The following RYR1 variants were observed in gnomAD, a reference collection of about 807,000 sequenced individuals.
RYR1 encodes the protein ryanodine receptor 1.
RYR1 carries 342 observed loss-of-function variants against 583.5 expected under a neutral mutation model. That is an observed-to-expected ratio of 0.59 (90% CI 0.54 to 0.64). RYR1 has a LOEUF of 0.64. Among genes scored for constraint, RYR1 ranks in the 30% least tolerant of loss-of-function variants. The pLI, the probability that RYR1 is intolerant of heterozygous loss-of-function variation, is 0.00. For synonymous variants in RYR1, 2,791 were observed against 2,822.5 expected, an observed-to-expected ratio of 0.99 and a Z score of 0.35; for missense variants, 6,032 against 6,917.2, an observed-to-expected ratio of 0.87 and a Z score of 4.54.
chr19:38,473,602 T>G lies in RYR1; in HGVS notation c.3991T>G (p.Tyr1331Asp). ...EARAAEPDPD[Y>D]ENLRRSAGGW... The stretch of plus-strand genomic sequence containing the variant: ...CCGGGCGGCGGAACCCGACCCTGAC[T>G]ACGAAAACCTGCGCCGCTCAGCTGG... Residue 1331 changes from tyrosine (Y) to aspartate (D), a missense_variant, in exon 28 of 106, where the codon TAC (tyrosine) becomes GAC (aspartate). Coordinates refer to ENST00000359596, the MANE Select transcript of RYR1 (RefSeq NM_000540.3). 6.3e-7 allele frequency: 1 copy of G among 1,576,856 alleles called. No homozygotes were observed. The highest frequency in any genetic ancestry group is 8.6e-7 in the Non-Finnish European group (1 of 1,161,660).
Position 38,475,233 on chromosome 19 carries a change from A to G in RYR1, c.4161-85A>G, listed in dbSNP as rs537687851. ...GGGGTATTAGAAGCAGGGTGTATCC[A>G]AGCTGGATGTGGGGGCATGAATATT... On this transcript the variant is annotated intron_variant, in intron 28 of 105. Transcript: ENST00000359596. The G allele has an allele frequency of 1.8e-5, 27 of 1,535,262 alleles. No individual in the cohort carries two copies. The African/African-American group carries it at 3.4e-4, about 20-fold the overall frequency.
intron 93 of RYR1, among the ~76,000 whole-genome samples, chr19:38,568,415 C>G (rs1036929296): frequency 7.9e-5 from 12 of 152,146 alleles, no homozygotes; most frequent in Non-Finnish European, 1.3e-4. Context: ...TCCATCCTGT[C>G]TCCCCTCCAG....
Position 38,575,899 on chromosome 19 carries a change from TTC to T in RYR1, c.14130-6_14130-5del, listed in dbSNP as rs750824483. ...GGCCCTAACATCTTATACTCACGCT[TTC>T]TCTCTCTCTCTCTGCAGGTCTTTCC... On this transcript the variant is annotated intron_variant, in intron 96 of 105. Coordinates refer to ENST00000359596, the MANE Select transcript of RYR1 (RefSeq NM_000540.3). 745 of 1,510,458 alleles carry T rather than the reference TTC, an allele frequency of 4.9e-4. No individual in the cohort carries two copies. The highest frequency in any genetic ancestry group is 6.0e-4 in the Non-Finnish European group (660 of 1,099,360). The allele number at this position is 1,510,458 out of a possible 1,614,324, so 93.6% of individuals were successfully genotyped here.
intron 69 of RYR1, 21 bp from the exon 70 acceptor site, chr19:38,523,890 CTCTG>C (rs762055585): frequency 7.4e-6 from 12 of 1,613,900 alleles, no homozygotes; most frequent in African/African-American, 6.7e-5. Context: ...CCCTTCTTGT[CTCTG>C]TCTGCGGTCC....
chr19:38,541,528 A>G (rs1486100910), intron 84 of RYR1, among the ~76,000 whole-genome samples: 1 of 152,144 alleles, frequency 6.6e-6, no homozygotes, highest in Non-Finnish European at 1.5e-5. Context: ...AGCCTGTCCA[A>G]TATGGTGAAA....
intron 98 of RYR1, 22 bp from the exon 99 acceptor site, chr19:38,578,122 C>T (rs775654757): frequency 1.2e-6 from 2 of 1,613,192 alleles, no homozygotes; most frequent in South Asian, 2.2e-5. Context: ...TCAAGCATCT[C>T]TCCCCACCCC....
At chr19:38,552,609 C>T (rs961274103) in intron 89 of RYR1, among the ~76,000 whole-genome samples, 6 of 152,146 alleles carry the variant, frequency 3.9e-5, no homozygotes, top group South Asian at 2.1e-4. Flanking sequence ...GGAGATTAAA[C>T]GGACATGCTT....
chr19:38,478,671 C>T, intron 31 of RYR1, 71 bp downstream of exon 31: 1 of 1,560,084 alleles, frequency 6.4e-7, no homozygotes, highest in Non-Finnish European at 8.7e-7. Context: ...TTATAGATGT[C>T]CCCTGAGGCC....
intron 19 of RYR1, 104 bp downstream of exon 19, chr19:38,459,442 G>A (rs752400808): frequency 2.2e-4 from 248 of 1,111,312 alleles, no homozygotes; most frequent in Non-Finnish European, 3.1e-4. Flanking sequence ...GGACACTGCA[G>A]CCTACCATCA....
intron 83 of RYR1, chr19:38,537,157 G>T: frequency 3.3e-6 from 1 of 301,876 alleles, no homozygotes; most frequent in South Asian, 4.6e-5. Flanking sequence ...CCCGACCTCA[G>T]ATTGGTCAGT....
rs1568476203 is a variant in RYR1 at position 38,478,474 on chromosome 19, CTT to C, written c.4496_4497del (p.Phe1499CysfsTer47). 6.2e-7 allele frequency: 1 copy of C among 1,614,092 alleles called. No homozygotes were observed. Among genetic ancestry groups the C allele is most frequent in the Non-Finnish European group, 8.5e-7 (1 of 1,180,042 alleles). ...ACTGCTACATGGTGTGGGGCGGAGA[CTT>C]TGTGAGTCCCGGGCAGCAGGGCCGG... is the stretch of plus-strand genomic sequence containing the variant. ...SNCYMVWGGDFVSPGQQGRIS... is the reference protein window; with the variant it reads ...SNCYMVWGGDXVSPGQQGRIS... On this transcript the variant is annotated frameshift_variant, in exon 31 of 106. Coordinates refer to ENST00000359596, the MANE Select transcript of RYR1 (RefSeq NM_000540.3). LOFTEE classifies it high-confidence loss of function.
intron 1 of RYR1, among the ~76,000 whole-genome samples, chr19:38,434,321 C>T (rs1209148611): frequency 6.6e-6 from 1 of 152,010 alleles, no homozygotes; most frequent in Non-Finnish European, 1.5e-5. Flanking sequence ...AGCTGGAGGA[C>T]ACAGCTGCTT....
chr19:38,548,310 C>T lies in RYR1; in HGVS notation c.12172C>T (p.Leu4058Phe). ...ATCCTCATCCAATGTGGAGATGATC[C>T]TCAAGTTCTTCGACATGTTCCTGAA... Reference protein sequence around the residue: ...VESSSNVEMILKFFDMFLKLK... With the variant: ...VESSSNVEMIFKFFDMFLKLK... The change falls in exon 89 of 106, where the codon CTC becomes TTC. Residue 4058 changes from leucine to phenylalanine, a missense_variant. Leu to Phe is a conservative substitution (Grantham distance 22). Coordinates refer to ENST00000359596, the MANE Select transcript of RYR1 (RefSeq NM_000540.3). 1 of 1,614,212 alleles carries T rather than the reference C, an allele frequency of 6.2e-7. No homozygotes were observed. The highest frequency in any genetic ancestry group is 1.1e-5 in the South Asian group (1 of 91,082).
At position 38,469,345 on chromosome 19, in the gene RYR1, T is replaced by A; in HGVS notation, c.3597T>A (p.Gly1199=). The change falls in exon 27 of 106, where the codon GGT becomes GGA. Residue 1199 remains glycine, a synonymous_variant. Coordinates refer to ENST00000359596, the MANE Select transcript of RYR1 (RefSeq NM_000540.3). ...PVCSLGPGQV[G]HLNLGQDVSS... Reference sequence around the variant, plus strand: ...GCAGCTTGGGACCTGGCCAGGTGGGTCATCTGAACCTGGGCCAGGACGTGA... The same window carrying A: ...GCAGCTTGGGACCTGGCCAGGTGGGACATCTGAACCTGGGCCAGGACGTGA... 1 of 1,613,854 alleles carries A rather than the reference T, an allele frequency of 6.2e-7. No individual in the cohort carries two copies. Among genetic ancestry groups the A allele is most frequent in the Non-Finnish European group, 8.5e-7 (1 of 1,179,992 alleles).
rs56388141 is a variant in RYR1 at position 38,524,186 on chromosome 19, CAAAAAAAA to C, written c.10455+267_10455+274del. Among the ~76,000 whole-genome samples, 11 of 84,178 alleles carry C rather than the reference CAAAAAAAA, an allele frequency of 1.3e-4. No individual in the cohort carries two copies. In the East Asian group the frequency reaches 2.1e-3, roughly 16 times the overall value. The allele number at this position is 84,178 out of a possible 152,430, so 55.2% of individuals were successfully genotyped here. A position where few individuals can be genotyped will look rare whatever the true frequency, so the allele number is the denominator to read the frequency against. On this transcript the variant is annotated intron_variant, in intron 70 of 105. Coordinates refer to ENST00000359596, the MANE Select transcript of RYR1 (RefSeq NM_000540.3). ...TTTTTTTTTTCTGGACTTTTGTTCCCAAAAAAAAAAAAAAAAAGAAAAAAAGAGCAACT... is the reference window on the plus strand; with the variant it reads ...TTTTTTTTTTCTGGACTTTTGTTCCCAAAAAAAAAGAAAAAAAGAGCAACT...
chr19:38,514,977 G>T, intron 63 of RYR1, 49 bp from the exon 64 acceptor site: 1 of 1,338,826 alleles, frequency 7.5e-7, no homozygotes. Flanking sequence ...GGGTGGGGAG[G>T]GCTTGTCTTG....
At position 38,469,346 on chromosome 19, in the gene RYR1, C is replaced by T. The variant is rs1167826472; in HGVS notation, c.3598C>T (p.His1200Tyr). The T allele has an allele frequency of 6.2e-7, 1 of 1,614,052 alleles. No homozygotes were observed. Among genetic ancestry groups the T allele is most frequent in the African/African-American group, 1.3e-5 (1 of 75,038 alleles). The change falls in exon 27 of 106, where the codon CAT becomes TAT. Residue 1200 changes from histidine to tyrosine, a missense_variant. Transcript: ENST00000359596. ...VCSLGPGQVG[H>Y]LNLGQDVSSL... ...CAGCTTGGGACCTGGCCAGGTGGGT[C>T]ATCTGAACCTGGGCCAGGACGTGAG...
chr19:38,434,007 G>A, intron 1 of RYR1, 133 bp downstream of exon 1: 1 of 815,320 alleles, frequency 1.2e-6, no homozygotes, highest in South Asian at 1.3e-5. Flanking sequence ...GTCACTTTGA[G>A]TGACTGTCAC....
intron 99 of RYR1, 115 bp downstream of exon 99, chr19:38,578,319 G>C: frequency 1.0e-6 from 1 of 998,518 alleles, no homozygotes; most frequent in Non-Finnish European, 1.5e-6. Context: ...GAGTGGCTGT[G>C]ACCCTAGGGT....
Sources: allele counts gnomAD v4.1 joint callset (sites outside exome capture counted in the v4.1 genomes callset), GRCh38; gene constraint gnomAD v4.1.1; transcripts MANE v1.5; gene names NCBI Gene and HGNC (gene_info 2026-07-23, HGNC 2026-07-21).